The following PTP4A3 variants were observed in gnomAD, a reference collection of about 807,000 sequenced individuals.
The protein encoded by PTP4A3 is protein tyrosine phosphatase type IVA 3.
Under a neutral mutation model 15.2 loss-of-function variants are expected in PTP4A3, and 9 were observed. The ratio of observed to expected loss-of-function variants is 0.59; its 90% CI spans 0.36 to 1.03. The LOEUF (loss-of-function observed/expected upper bound fraction) is 1.03, where lower values mean the gene tolerates loss of function less well. PTP4A3 is among the 50% of genes least tolerant of loss of function. The pLI, the probability that PTP4A3 is intolerant of heterozygous loss-of-function variation, is 0.02. For synonymous variants in PTP4A3, 95 were observed against 102.0 expected (o/e 0.93, Z 0.41); for missense variants, 234 against 252.1 (o/e 0.93, Z 0.49).
At position 141,431,106 on chromosome 8, in the gene PTP4A3, C is replaced by CCTGCCCAGCCCTGCT. The variant is rs1402738389; in HGVS notation, c.*74_*88dup. The CCTGCCCAGCCCTGCT allele has an allele frequency of 7.3e-6, 11 of 1,503,578 alleles. No individual in the cohort carries two copies. The highest frequency in any genetic ancestry group is 1.4e-5 in the African/African-American group (1 of 72,528). The allele number at this position is 1,503,578 out of a possible 1,614,324, so 93.1% of individuals were successfully genotyped here. On this transcript the variant is annotated 3_prime_UTR_variant, in exon 6 of 6. Coordinates refer to ENST00000521578, the MANE Select transcript of PTP4A3 (RefSeq NM_032611.3). ...CAGGACCTTGGCTGGACCTGGAGGC[C>CCTGCCCAGCCCTGCT]CTGCCCAGCCCTGCTCTGCCCAGCC...
At chr8:141,429,223 G>A (rs960361224) in intron 5 of PTP4A3, among the ~76,000 whole-genome samples, 7 of 152,258 alleles carry the variant, frequency 4.6e-5, no homozygotes, top group African/African-American at 1.7e-4. Context: ...AAACGAGCAC[G>A]GTGGAGCCAC....
chr8:141,409,994 C>G (rs1832826466), intron 1 of PTP4A3, among the ~76,000 whole-genome samples: 1 of 152,242 alleles, frequency 6.6e-6, no homozygotes. Context: ...TACCCTCAAG[C>G]CACTGTCACC....
chr8:141,401,221 G>A (rs139859527), intron 1 of PTP4A3, among the ~76,000 whole-genome samples: 1 of 152,204 alleles, frequency 6.6e-6, no homozygotes, highest in African/African-American at 2.4e-5. Flanking sequence ...AGGTAGCACA[G>A]TTGGGGAGTG....
At chr8:141,409,610 G>A (rs1003472123) in intron 1 of PTP4A3, among the ~76,000 whole-genome samples, 11 of 152,334 alleles carry the variant, frequency 7.2e-5, no homozygotes, top group African/African-American at 2.4e-4. Flanking sequence ...TCTGGAAAGC[G>A]CCTGTGGATT....
intron 1 of PTP4A3, among the ~76,000 whole-genome samples, chr8:141,400,316 C>CAT (rs10654389): frequency 0.43 from 65,671 of 152,030 alleles, 16,984 homozygotes; most frequent in African/African-American, 0.72. Context: ...CAGGCGCAAA[C>CAT]GTGGTTATTG....
chr8:141,417,464 G>A (rs1408110950), intron 1 of PTP4A3, among the ~76,000 whole-genome samples: 1 of 152,104 alleles, frequency 6.6e-6, no homozygotes, highest in South Asian at 2.1e-4. Context: ...TCAGGGTGCA[G>A]GACAGCACCT....
intron 1 of PTP4A3, among the ~76,000 whole-genome samples, chr8:141,393,549 G>A (rs1777294242): frequency 3.3e-5 from 5 of 152,302 alleles, no homozygotes; most frequent in Non-Finnish European, 1.5e-5. Flanking sequence ...CTGGCTGAGC[G>A]GGGCAGGTTG....
In PTP4A3 at chr8:141,432,052, CAT is replaced by C. The variant is rs1167961184; in HGVS notation, c.*1009_*1010del. The stretch of plus-strand genomic sequence containing the variant: ...CGCCGGAGGGCGTGGACCAGATGCT[CAT>C]GTGTTCCTGGGTGCAGTGTCTGTGT... On this transcript the variant is annotated 3_prime_UTR_variant, in exon 6 of 6. Coordinates refer to ENST00000521578, the MANE Select transcript of PTP4A3 (RefSeq NM_032611.3). 1 of 152,442 alleles carries C rather than the reference CAT, an allele frequency of 6.6e-6. No individual in the cohort carries two copies. The highest frequency in any genetic ancestry group is 1.5e-5 in the Non-Finnish European group (1 of 68,216). 9.4% of individuals were successfully genotyped at this position (152,442 alleles called of 1,614,324 possible). A position where few individuals can be genotyped will look rare whatever the true frequency, so the allele number is the denominator to read the frequency against.
At chr8:141,407,655 C>T (rs1264548062) in intron 1 of PTP4A3, among the ~76,000 whole-genome samples, 1 of 151,716 alleles carries the variant, frequency 6.6e-6, no homozygotes, top group Non-Finnish European at 1.5e-5. Flanking sequence ...CAACCTCCAC[C>T]TCCTGGGTTT....
chr8:141,397,466 G>A (rs1352869167), intron 1 of PTP4A3, among the ~76,000 whole-genome samples: 3 of 152,264 alleles, frequency 2.0e-5, no homozygotes, highest in Non-Finnish European at 4.4e-5. Context: ...GCCATGCCCA[G>A]CTCCTACCAC....
intron 1 of PTP4A3, among the ~76,000 whole-genome samples, chr8:141,403,696 G>A (rs1832653411): frequency 6.6e-6 from 1 of 152,214 alleles, no homozygotes; most frequent in African/African-American, 2.4e-5. Context: ...TGTAAGAAAA[G>A]TGAATTAAAC....
rs1833353722 is a variant in PTP4A3 at position 141,422,005 on chromosome 8, A to G, written c.-236A>G. 2.1e-6 allele frequency: 1 copy of G among 486,800 alleles called. No homozygotes were observed. Among genetic ancestry groups the G allele is most frequent in the Non-Finnish European group, 3.6e-6 (1 of 277,476 alleles). 30.2% of individuals were successfully genotyped at this position (486,800 alleles called of 1,614,324 possible). On this transcript the variant is annotated 5_prime_UTR_variant, in exon 2 of 6. Transcript: ENST00000521578. Reference sequence around the variant, plus strand: ...GCTGTTTTGTTCCTTTTCTTTTTTAAGAGTTGGGTTTTCTTTTTTAATTAT... The same window carrying G: ...GCTGTTTTGTTCCTTTTCTTTTTTAGGAGTTGGGTTTTCTTTTTTAATTAT...
intron 1 of PTP4A3, among the ~76,000 whole-genome samples, chr8:141,409,405 A>T (rs1158400003): frequency 6.6e-6 from 1 of 151,958 alleles, no homozygotes; most frequent in Non-Finnish European, 1.5e-5. Context: ...GATGGGAGGG[A>T]TGGGAGCCTC....
At chr8:141,420,503 G>A (rs745980678) in intron 1 of PTP4A3, among the ~76,000 whole-genome samples, 31 of 152,186 alleles carry the variant, frequency 2.0e-4, no homozygotes, top group Non-Finnish European at 3.8e-4. Context: ...AGAGGCAGGC[G>A]TGGAGGTGCC....
intron 1 of PTP4A3, among the ~76,000 whole-genome samples, chr8:141,420,642 C>G (rs886581908): frequency 3.3e-5 from 5 of 152,256 alleles, no homozygotes; most frequent in African/African-American, 1.2e-4. Context: ...TTGGCGTGTT[C>G]TGTCCCCGCC....
In PTP4A3 at chr8:141,406,922, CTCAGAAA is replaced by C. The variant is rs1832743245; in HGVS notation, c.-853-14463_-853-14457del. Among the ~76,000 whole-genome samples, 1 of 152,214 alleles carries C rather than the reference CTCAGAAA, an allele frequency of 6.6e-6. No individual in the cohort carries two copies. The highest frequency in any genetic ancestry group is 1.5e-5 in the Non-Finnish European group (1 of 68,036). ...TATGCTTTGAACTTCCAAAAATGCG[CTCAGAAA>C]TCTTTCCTGTCCTCTAGGGCCCATC... On this transcript the variant is annotated intron_variant, in intron 1 of 5. Transcript: ENST00000521578. The surrounding 1 kb of genome is among the most constrained non-coding windows in gnomAD (Gnocchi z 4.5).
chr8:141,416,085 C>T (rs564383601), intron 1 of PTP4A3, among the ~76,000 whole-genome samples: 7 of 151,910 alleles, frequency 4.6e-5, no homozygotes, highest in South Asian at 4.2e-4. Flanking sequence ...GGGTGGAGCC[C>T]GGGTGGGGGT....
intron 1 of PTP4A3, among the ~76,000 whole-genome samples, chr8:141,396,257 C>A (rs75326122): frequency 6.6e-6 from 1 of 152,174 alleles, no homozygotes; most frequent in Admixed American, 6.5e-5. Flanking sequence ...AGACCTCTGG[C>A]GGGTAAGTGT....
At position 141,399,467 on chromosome 8, in the gene PTP4A3, G is replaced by A. The variant is rs376686673; in HGVS notation, c.-854+7383G>A. On this transcript the variant is annotated intron_variant, in intron 1 of 5. Coordinates refer to ENST00000521578, the MANE Select transcript of PTP4A3 (RefSeq NM_032611.3). ...GGGGCTCCCGGCTGCCCCTCCCCTC[G>A]GTGGCCTCCCTGTCCCCTCCGCATG... 3.6e-3 allele frequency among the ~76,000 whole-genome samples: 550 copies of A among 152,254 alleles called. 1 individual carries two copies. Among genetic ancestry groups the A allele is most frequent in the African/African-American group, 0.012 (505 of 41,556 alleles).
Sources: gnomAD v4.1 joint callset for allele counts (sites outside exome capture counted in the v4.1 genomes callset) on GRCh38, gnomAD v4.1.1 for gene constraint, Gnocchi (gnomAD v3.1) non-coding constraint, MANE v1.5 for transcripts, NCBI Gene and HGNC (gene_info 2026-07-23, HGNC 2026-07-21) for gene names.